Variants in THSD7B observed in about 807,000 individuals in gnomAD.
THSD7B encodes thrombospondin type-1 domain-containing protein 7B.
THSD7B carries 138 observed loss-of-function variants against 213.6 expected under a neutral mutation model. The ratio of observed to expected loss-of-function variants is 0.65; its 90% CI spans 0.56 to 0.74. The LOEUF (loss-of-function observed/expected upper bound fraction) is 0.74. Among genes scored for constraint, THSD7B ranks in the 30% least tolerant of loss-of-function variants. The pLI is 0.00. For synonymous variants in THSD7B, 742 were observed against 687.0 expected (o/e 1.08, Z -1.25); for missense variants, 1,931 against 1,991.5 (o/e 0.97, Z 0.58).
At chr2:137,433,209 G>C (rs1687221532) in intron 14 of THSD7B, among the ~76,000 whole-genome samples, 1 of 152,104 alleles carries the variant, frequency 6.6e-6, no homozygotes, top group Non-Finnish European at 1.5e-5. Flanking sequence ...TGGGGAATCA[G>C]GGAAGACCAC....
intron 2 of THSD7B, among the ~76,000 whole-genome samples, chr2:136,933,141 T>TTCCTTCCC (rs1158477532): frequency 5.5e-4 from 32 of 58,312 alleles, no homozygotes; most frequent in African/African-American, 1.2e-3. Context: ...CCTTCCTTCC[T>TTCCTTCCC]TCCTTCCTTC....
intron 5 of THSD7B, among the ~76,000 whole-genome samples, chr2:137,129,462 C>CA (rs1004063439): frequency 6.6e-6 from 1 of 150,854 alleles, no homozygotes; most frequent in African/African-American, 2.4e-5. Context: ...TTTTTTAAGA[C>CA]AGAGTCTCAC....
chr2:137,105,843 G>A (rs141551541), intron 4 of THSD7B, among the ~76,000 whole-genome samples: 5,212 of 152,260 alleles, frequency 0.034, 287 homozygotes, highest in African/African-American at 0.12. Flanking sequence ...TACAATGGAT[G>A]TGAAGGACCT....
chr2:137,353,585 T>G (rs1048142763), intron 12 of THSD7B, among the ~76,000 whole-genome samples: 2 of 152,154 alleles, frequency 1.3e-5, no homozygotes, highest in Non-Finnish European at 2.9e-5. Context: ...CTTCCAGATC[T>G]TCTAAAGCTC....
intron 12 of THSD7B, among the ~76,000 whole-genome samples, chr2:137,290,084 A>T (rs1343825420): frequency 6.7e-6 from 1 of 150,070 alleles, no homozygotes; most frequent in Non-Finnish European, 1.5e-5. Flanking sequence ...AAATCCAGTA[A>T]TTACTTTTCA....
chr2:137,070,618 T>G (rs973585981), intron 3 of THSD7B, among the ~76,000 whole-genome samples: 6 of 152,076 alleles, frequency 3.9e-5, no homozygotes, highest in African/African-American at 1.4e-4. Context: ...ACGTGCAGGT[T>G]TGCTACATAT....
intron 7 of THSD7B, among the ~76,000 whole-genome samples, chr2:137,222,874 G>T (rs1474604317): frequency 6.6e-6 from 1 of 152,220 alleles, no homozygotes; most frequent in Non-Finnish European, 1.5e-5. Context: ...TCCTGGGTCA[G>T]AAAGGAGGAG....
intron 7 of THSD7B, among the ~76,000 whole-genome samples, chr2:137,223,180 A>AACTGGCTT (rs1173883469): frequency 6.6e-5 from 10 of 152,232 alleles, no homozygotes; most frequent in African/African-American, 2.4e-4. Context: ...AGGAAACTAG[A>AACTGGCTT]ACTGGCTTGA....
chr2:136,803,605 A>G (rs1682228625), intron 1 of THSD7B, among the ~76,000 whole-genome samples: 1 of 152,206 alleles, frequency 6.6e-6, no homozygotes, highest in Non-Finnish European at 1.5e-5. Flanking sequence ...GGTTCTTCAG[A>G]AAAACAGAAC....
chr2:136,986,759 A>G (rs1052758130), intron 2 of THSD7B, among the ~76,000 whole-genome samples: 1 of 152,208 alleles, frequency 6.6e-6, no homozygotes, highest in Non-Finnish European at 1.5e-5. Flanking sequence ...ACAGATAACC[A>G]TTCCTGCCAA....
At chr2:137,307,811 T>C (rs1683792291) in intron 12 of THSD7B, among the ~76,000 whole-genome samples, 1 of 152,118 alleles carries the variant, frequency 6.6e-6, no homozygotes, top group Admixed American at 6.5e-5. Flanking sequence ...TCAGGATTTA[T>C]CTTACTTGAC....
chr2:136,774,233 T>C (rs1681562871), intron 1 of THSD7B, among the ~76,000 whole-genome samples: 1 of 152,126 alleles, frequency 6.6e-6, no homozygotes, highest in South Asian at 2.1e-4. Context: ...CCAGTGTTTC[T>C]GATTTACATT....
rs2105036276 is a variant in THSD7B at position 136,922,620 on chromosome 2, T to C, written c.139+40303T>C. The stretch of plus-strand genomic sequence containing the variant: ...ATATAGATATGAGACATACATTCTA[T>C]TTGTTGTACTTGATTGATGAACTCT... On this transcript the variant is annotated intron_variant, in intron 2 of 27. Transcript: ENST00000409968. Among the ~76,000 whole-genome samples, 3 of 152,370 alleles carry C rather than the reference T, an allele frequency of 2.0e-5. No homozygotes were observed. In the South Asian group the frequency reaches 6.2e-4, roughly 32 times the overall value.
At chr2:137,433,713 C>T (rs1304916517) in intron 14 of THSD7B, among the ~76,000 whole-genome samples, 2 of 151,576 alleles carry the variant, frequency 1.3e-5, no homozygotes. Flanking sequence ...TTATAAATCA[C>T]TTCAAACACT....
At chr2:137,253,224 A>T (rs1046800520) in intron 10 of THSD7B, among the ~76,000 whole-genome samples, 7 of 152,146 alleles carry the variant, frequency 4.6e-5, no homozygotes, top group African/African-American at 1.7e-4. Flanking sequence ...TCTATGATAA[A>T]CAGTGCTGTT....
At chr2:136,824,261 AG>A (rs1253543235) in intron 1 of THSD7B, among the ~76,000 whole-genome samples, 1 of 152,038 alleles carries the variant, frequency 6.6e-6, no homozygotes, top group Non-Finnish European at 1.5e-5. Flanking sequence ...CATATATACA[AG>A]TATATATTAT....
At position 137,677,528 on chromosome 2, in the gene THSD7B, A is replaced by G. The variant is rs1683731131; in HGVS notation, c.*923A>G. 6.6e-6 allele frequency: 1 copy of G among 152,632 alleles called. No homozygotes were observed. The highest frequency in any genetic ancestry group is 1.5e-5 in the Non-Finnish European group (1 of 68,040). 9.5% of individuals were successfully genotyped at this position (152,632 alleles called of 1,614,324 possible). ...AATTATCTGACCTCATTTAATATAC[A>G]TCAAACACCGATCCTGTTTGTACAA... On this transcript the variant is annotated 3_prime_UTR_variant, in exon 28 of 28. Transcript: ENST00000409968.
chr2:137,457,888 G>A (rs779762797), intron 15 of THSD7B, among the ~76,000 whole-genome samples: 40 of 152,068 alleles, frequency 2.6e-4, no homozygotes, highest in Non-Finnish European at 4.7e-4. Flanking sequence ...CTCCATCCAG[G>A]TCAAGACACT....
intron 2 of THSD7B, among the ~76,000 whole-genome samples, chr2:136,909,582 A>C (rs190483328): frequency 6.6e-6 from 1 of 152,304 alleles, no homozygotes; most frequent in Non-Finnish European, 1.5e-5. Flanking sequence ...GAAATACACA[A>C]ATGACTTTGG....
Sources: allele counts gnomAD v4.1 joint callset (sites outside exome capture counted in the v4.1 genomes callset), GRCh38; gene constraint gnomAD v4.1.1; transcripts MANE v1.5; gene names NCBI Gene and HGNC (gene_info 2026-07-23, HGNC 2026-07-21).